SPEF2: variants seen among roughly 807,000 people sequenced by gnomAD.
SPEF2 encodes the protein sperm flagellar and cilia associated 2.
SPEF2 carries 187 observed loss-of-function variants against 224.6 expected under a neutral mutation model. The observed-to-expected ratio is 0.83, with a 90% confidence interval of 0.74 to 0.94. SPEF2 has a LOEUF of 0.94. Among genes scored for constraint, SPEF2 ranks in the 40% least tolerant of loss-of-function variants. The pLI, the probability that SPEF2 is intolerant of heterozygous loss-of-function variation, is 0.00. For missense variants in SPEF2, 2,170 were observed against 2,135.6 expected, an observed-to-expected ratio of 1.02 and a Z score of -0.32; for synonymous variants, 715 against 707.3, an observed-to-expected ratio of 1.01 and a Z score of -0.17.
At position 35,727,696 on chromosome 5, in the gene SPEF2, C is replaced by G; in HGVS notation, c.2936C>G (p.Ser979Ter). ...TAAGGTTCTCCTAAAGGAAAATCAT[C>G]AGGAGGAAAAGTACCAGTAAAGAAA... ...KRKGSPKGKSSGGKVPVKKSP... is the reference protein window; with the variant it reads ...KRKGSPKGKS Residue 979 changes from serine to a stop codon, truncating the protein, a stop_gained, in exon 21 of 37, where the codon TCA (serine) becomes TGA (stop). Coordinates refer to ENST00000356031, the MANE Select transcript of SPEF2 (RefSeq NM_024867.4). LOFTEE classifies it high-confidence loss of function. 1 of 1,613,376 alleles carries G rather than the reference C, an allele frequency of 6.2e-7. No individual in the cohort carries two copies. Among genetic ancestry groups the G allele is most frequent in the Non-Finnish European group, 8.5e-7 (1 of 1,179,638 alleles).
chr5:35,666,899 C>A (rs193249457), intron 8 of SPEF2, among the ~76,000 whole-genome samples, 173 bp from the exon 9 acceptor site: 3 of 152,252 alleles, frequency 2.0e-5, no homozygotes, highest in African/African-American at 7.2e-5. Context: ...CCAATATTGT[C>A]TTTGCATTAA....
rs573532366 is a variant in SPEF2, at chr5:35,704,186, C to T, written c.2399-368C>T. Reference sequence around the variant, plus strand: ...AGAAATAATTTGTATGCATATTTGACGTTCCAGCCACCTTGTTCTTTCATC... The same window carrying T: ...AGAAATAATTTGTATGCATATTTGATGTTCCAGCCACCTTGTTCTTTCATC... On this transcript the variant is annotated intron_variant, in intron 16 of 36. Transcript: ENST00000356031. 4.7e-4 allele frequency among the ~76,000 whole-genome samples: 72 copies of T among 152,068 alleles called. 1 individual carries two copies. Among genetic ancestry groups the T allele is most frequent in the Admixed American group, 3.1e-3 (47 of 15,244 alleles).
At chr5:35,695,533 G>A (rs1755184007) in intron 13 of SPEF2, among the ~76,000 whole-genome samples, 1 of 152,062 alleles carries the variant, frequency 6.6e-6, no homozygotes, top group Non-Finnish European at 1.5e-5. Context: ...GAAACACCAA[G>A]ACACATAGTG....
chr5:35,810,662 G>A (rs1758481188), intron 36 of SPEF2, among the ~76,000 whole-genome samples: 1 of 152,118 alleles, frequency 6.6e-6, no homozygotes, highest in Non-Finnish European at 1.5e-5. Flanking sequence ...GGAACATCCT[G>A]ACATACTGAT....
At chr5:35,696,594 CTG>C (rs984835198) in intron 14 of SPEF2, among the ~76,000 whole-genome samples, 25 of 152,144 alleles carry the variant, frequency 1.6e-4, no homozygotes, top group African/African-American at 5.3e-4. Context: ...GTTTTGTACA[CTG>C]TTTTAATAAC....
At chr5:35,792,680 G>A (rs1041501067) in intron 31 of SPEF2, among the ~76,000 whole-genome samples, 4 of 152,208 alleles carry the variant, frequency 2.6e-5, no homozygotes, top group South Asian at 2.1e-4. Flanking sequence ...AGACTGTGAT[G>A]TTCAACCAGT....
At chr5:35,742,422 GT>G (rs1448770079) in intron 23 of SPEF2, among the ~76,000 whole-genome samples, 2 of 151,858 alleles carry the variant, frequency 1.3e-5, no homozygotes, top group African/African-American at 4.8e-5. Context: ...ACTTTACACA[GT>G]AAGAACTTGT....
chr5:35,733,468 T>G (rs1278735688), intron 21 of SPEF2, among the ~76,000 whole-genome samples: 1 of 152,124 alleles, frequency 6.6e-6, no homozygotes, highest in Non-Finnish European at 1.5e-5. Flanking sequence ...TACATTTTAT[T>G]TAGAATATCA....
rs149758776 is a variant in SPEF2 at position 35,672,708 on chromosome 5, T to A, written c.1524+2481T>A. On this transcript the variant is annotated intron_variant, in intron 10 of 36. Coordinates refer to ENST00000356031, the MANE Select transcript of SPEF2 (RefSeq NM_024867.4). The stretch of plus-strand genomic sequence containing the variant: ...TTATATATAATGTTCAATAACATTA[T>A]AATGAACATTATGTTCAAGCAAATG... 5.2e-3 allele frequency among the ~76,000 whole-genome samples: 795 copies of A among 152,160 alleles called. 10 individuals are homozygous for A. Among genetic ancestry groups the A allele is most frequent in the African/African-American group, 0.018 (766 of 41,540 alleles).
intron 21 of SPEF2, among the ~76,000 whole-genome samples, chr5:35,733,831 C>A (rs1746080770): frequency 6.6e-6 from 1 of 151,774 alleles, no homozygotes; most frequent in Non-Finnish European, 1.5e-5. Context: ...TGTTCAAATC[C>A]CAGCTATGTC....
At chr5:35,708,433 A>C (rs1014363402) in intron 18 of SPEF2, among the ~76,000 whole-genome samples, 4 of 151,742 alleles carry the variant, frequency 2.6e-5, no homozygotes, top group African/African-American at 9.7e-5. Context: ...TTTATTAGCT[A>C]CTTCTAGATT....
At chr5:35,789,228 A>G in intron 30 of SPEF2, 1 of 703,070 alleles carries the variant, frequency 1.4e-6, no homozygotes, top group East Asian at 2.7e-5. Flanking sequence ...CTCCAAGCTG[A>G]CATTGTTAAA....
chr5:35,718,146 G>T (rs1742944208), intron 20 of SPEF2, among the ~76,000 whole-genome samples: 1 of 152,154 alleles, frequency 6.6e-6, no homozygotes, highest in African/African-American at 2.4e-5. Context: ...GGAGAGGTAG[G>T]CCAAAACCCC....
chr5:35,709,635 G>A, intron 19 of SPEF2: 4 of 956,766 alleles, frequency 4.2e-6, no homozygotes, highest in Non-Finnish European at 4.9e-6. Context: ...TGCCATCTCA[G>A]TAAACATATA....
At chr5:35,679,635 C>T (rs564143977) in intron 10 of SPEF2, among the ~76,000 whole-genome samples, 5 of 152,284 alleles carry the variant, frequency 3.3e-5, no homozygotes, top group Admixed American at 6.5e-5. Context: ...TGAAATTAAC[C>T]AGGTCACAAA....
chr5:35,617,969 CG>C lies in SPEF2; in HGVS notation c.-28del. ...GGTTCCTGGCGAGTTTCTAAGCCCCCGCCTGCGGTCTGAGGCACCGGCTGAA... is the reference window on the plus strand; with the variant it reads ...GGTTCCTGGCGAGTTTCTAAGCCCCCCCTGCGGTCTGAGGCACCGGCTGAA... On this transcript the variant is annotated 5_prime_UTR_variant, in exon 1 of 37. Transcript: ENST00000356031. The C allele has an allele frequency of 6.4e-7, 1 of 1,562,466 alleles. No individual in the cohort carries two copies. The highest frequency in any genetic ancestry group is 1.2e-5 in the South Asian group (1 of 85,314).
Position 35,751,052 on chromosome 5 carries a change from T to TACGTATATAC in SPEF2, c.3331-2571_3331-2570insCGTATATACA, listed in dbSNP as rs1749455352. On this transcript the variant is annotated intron_variant, in intron 23 of 36. Coordinates refer to ENST00000356031, the MANE Select transcript of SPEF2 (RefSeq NM_024867.4). ...ATATATATACACATATGTATATATA[T>TACGTATATAC]ATACGTATATATATGTATATATATA... Among the ~76,000 whole-genome samples the TACGTATATAC allele has an allele frequency of 5.1e-3, 295 of 57,376 alleles. 36 individuals carry two copies. The highest frequency in any genetic ancestry group is 7.9e-3 in the Non-Finnish European group (231 of 29,098). The allele number at this position is 57,376 out of a possible 152,430, so 37.6% of individuals were successfully genotyped here. A position where few individuals can be genotyped will look rare whatever the true frequency, so the allele number is the denominator to read the frequency against.
At chr5:35,812,429 C>CA (rs151156415) in intron 36 of SPEF2, among the ~76,000 whole-genome samples, 1 of 151,760 alleles carries the variant, frequency 6.6e-6, no homozygotes, top group Non-Finnish European at 1.5e-5. Flanking sequence ...AGGCCTTGTA[C>CA]AAAAAAGTTA....
rs1317785779 is a variant in SPEF2 at position 35,751,001 on chromosome 5, A to G, written c.3331-2623A>G. ...AACTGTGCTATATATATATATGTAT[A>G]TATATATATACGTATATATATACGT... is the stretch of plus-strand genomic sequence containing the variant. On this transcript the variant is annotated intron_variant, in intron 23 of 36. Coordinates refer to ENST00000356031, the MANE Select transcript of SPEF2 (RefSeq NM_024867.4). 1.0e-3 allele frequency among the ~76,000 whole-genome samples: 96 copies of G among 91,548 alleles called. 2 individuals carry two copies. The highest frequency in any genetic ancestry group is 3.3e-3 in the African/African-American group (87 of 26,746). 60.1% of individuals were successfully genotyped at this position (91,548 alleles called of 152,430 possible).
Sources: allele counts gnomAD v4.1 joint callset (sites outside exome capture counted in the v4.1 genomes callset), GRCh38; gene constraint gnomAD v4.1.1; transcripts MANE v1.5; gene names NCBI Gene and HGNC (gene_info 2026-07-23, HGNC 2026-07-21).